LYPD6: variants seen among roughly 807,000 people sequenced by gnomAD.
The protein encoded by LYPD6 is ly6/PLAUR domain-containing protein 6.
A neutral mutation model predicts 22.7 loss-of-function variants in LYPD6; 15 were observed. That is an observed-to-expected ratio of 0.66 (90% CI 0.44 to 1.02). The LOEUF (loss-of-function observed/expected upper bound fraction) is 1.02. LYPD6 is among the 50% of genes least tolerant of loss of function. The probability of loss-of-function intolerance (pLI) is 0.00; values close to 1 mark genes in which losing one functional copy is unlikely to be tolerated. For missense variants in LYPD6, 189 were observed against 208.4 expected (o/e 0.91, Z 0.57); for synonymous variants, 72 against 77.5 (o/e 0.93, Z 0.37).
rs904168188 is a variant in LYPD6, at chr2:149,401,002, G to A, written c.-71-36636G>A. ...TCCCCCAAATGACAACCATGCCTTTGGGCTTCTTATCTGTATTTCAGGCAG... is the reference window on the plus strand; with the variant it reads ...TCCCCCAAATGACAACCATGCCTTTAGGCTTCTTATCTGTATTTCAGGCAG... On this transcript the variant is annotated intron_variant, in intron 1 of 4. Transcript: ENST00000334166. 3.9e-5 allele frequency among the ~76,000 whole-genome samples: 6 copies of A among 152,208 alleles called. No individual in the cohort carries two copies. In the East Asian group the frequency reaches 9.7e-4, roughly 24 times the overall value.
At chr2:149,342,153 G>A (rs1389754609) in intron 1 of LYPD6, among the ~76,000 whole-genome samples, 4 of 152,040 alleles carry the variant, frequency 2.6e-5, no homozygotes, top group African/African-American at 9.7e-5. Context: ...CCATGACCTA[G>A]GACTTTGGAA....
intron 1 of LYPD6, among the ~76,000 whole-genome samples, chr2:149,418,517 T>A (rs930897914): frequency 7.2e-5 from 11 of 152,248 alleles, no homozygotes; most frequent in African/African-American, 2.7e-4. Context: ...TAAGATTTTA[T>A]AGTTAAAGCA....
intron 1 of LYPD6, among the ~76,000 whole-genome samples, chr2:149,397,549 T>C (rs1682454190): frequency 6.6e-6 from 1 of 152,198 alleles, no homozygotes; most frequent in Non-Finnish European, 1.5e-5. Flanking sequence ...AAGGAATTAA[T>C]GATAGCCACA....
At position 149,472,398 on chromosome 2, in the gene LYPD6, T is replaced by C. The variant is rs1196665; in HGVS notation, c.*1548T>C. On this transcript the variant is annotated 3_prime_UTR_variant, in exon 5 of 5. Transcript: ENST00000334166. ...TAAGTTTGTGTGCAGGGTTTTCAGA[T>C]GTGTTTTTGTGAAACTTGGTAGAAC... The C allele has an allele frequency of 0.72, 109,685 of 152,458 alleles. 41,098 individuals are homozygous for C. Among genetic ancestry groups the C allele is most frequent in the East Asian group, 0.86 (4,421 of 5,130 alleles). The allele number at this position is 152,458 out of a possible 1,614,324, so 9.4% of individuals were successfully genotyped here.
chr2:149,405,164 A>G (rs1170108007), intron 1 of LYPD6, among the ~76,000 whole-genome samples: 1 of 152,048 alleles, frequency 6.6e-6, no homozygotes, highest in Non-Finnish European at 1.5e-5. Flanking sequence ...TTTTGCATCA[A>G]TGTTCATCAA....
chr2:149,385,045 T>G (rs192035178), intron 1 of LYPD6, among the ~76,000 whole-genome samples: 1 of 152,156 alleles, frequency 6.6e-6, no homozygotes, highest in Non-Finnish European at 1.5e-5. Context: ...TGTTTATGGA[T>G]GTAGATGGCA....
intron 1 of LYPD6, among the ~76,000 whole-genome samples, chr2:149,368,738 G>T (rs570347009): frequency 1.3e-5 from 2 of 152,176 alleles, no homozygotes; most frequent in Non-Finnish European, 2.9e-5. Flanking sequence ...TGAAGGGAGA[G>T]GGGGTCTAAA....
chr2:149,334,386 C>T lies in LYPD6; in HGVS notation c.-72+3664C>T, dbSNP rs1042411958. Among the ~76,000 whole-genome samples, 4 of 152,258 alleles carry T rather than the reference C, an allele frequency of 2.6e-5. 1 individual carries two copies. The highest frequency in any genetic ancestry group is 4.4e-5 in the Non-Finnish European group (3 of 68,020). ...TGGGAGATAAAAAGAGATAAAACAG[C>T]GTGTAAATGAATTCTTTGCTTCTGT... On this transcript the variant is annotated intron_variant, in intron 1 of 4. Transcript: ENST00000334166.
chr2:149,467,410 T>A lies in LYPD6; in HGVS notation c.218-1235T>A, dbSNP rs113127203. Among the ~76,000 whole-genome samples the A allele has an allele frequency of 5.9e-3, 891 of 152,282 alleles. 6 individuals carry two copies. Among genetic ancestry groups the A allele is most frequent in the African/African-American group, 0.02 (818 of 41,562 alleles). On this transcript the variant is annotated intron_variant, in intron 3 of 4. Coordinates refer to ENST00000334166, the MANE Select transcript of LYPD6 (RefSeq NM_194317.5). The stretch of plus-strand genomic sequence containing the variant: ...GAGACCATTTGGGATTCCTGTCAGG[T>A]GAGGGTCTCTAGGAAGACTGTTAAA...
chr2:149,420,986 A>G (rs112270881), intron 1 of LYPD6, among the ~76,000 whole-genome samples: 3 of 152,144 alleles, frequency 2.0e-5, no homozygotes, highest in Non-Finnish European at 2.9e-5. Flanking sequence ...GTCGCATCCC[A>G]TAGCAGTGAA....
intron 2 of LYPD6, among the ~76,000 whole-genome samples, chr2:149,439,133 A>T (rs1206179356): frequency 6.6e-6 from 1 of 152,138 alleles, no homozygotes; most frequent in African/African-American, 2.4e-5. Context: ...TGTTTTTATT[A>T]TCGTTGGCTT....
At chr2:149,402,973 A>G (rs951934164) in intron 1 of LYPD6, among the ~76,000 whole-genome samples, 1 of 150,666 alleles carries the variant, frequency 6.6e-6, no homozygotes, top group African/African-American at 2.4e-5. Context: ...GAGTGAGAAC[A>G]TGCAGTGTTT....
intron 1 of LYPD6, among the ~76,000 whole-genome samples, chr2:149,356,963 C>T (rs1216678255): frequency 6.6e-6 from 1 of 152,070 alleles, no homozygotes; most frequent in African/African-American, 2.4e-5. Flanking sequence ...AGAAAGTTTT[C>T]CAAACCATTT....
chr2:149,366,512 G>A (rs565613565), intron 1 of LYPD6, among the ~76,000 whole-genome samples: 1 of 152,160 alleles, frequency 6.6e-6, no homozygotes. Flanking sequence ...TGATTTGGGA[G>A]AATGCCAGAT....
chr2:149,393,605 C>T (rs1319203152), intron 1 of LYPD6, among the ~76,000 whole-genome samples: 1 of 152,160 alleles, frequency 6.6e-6, no homozygotes, highest in African/African-American at 2.4e-5. Context: ...GCGTGGTCCT[C>T]CTGGCCCCTT....
At chr2:149,475,955 C>T (rs1414926016), downstream of LYPD6, among the ~76,000 whole-genome samples, 1 of 152,182 alleles carries the variant, frequency 6.6e-6, no homozygotes, top group Non-Finnish European at 1.5e-5. Context: ...ATAATGGCCT[C>T]ATCCTTCTCT....
At chr2:149,408,031 G>A (rs968635594) in intron 1 of LYPD6, among the ~76,000 whole-genome samples, 3 of 152,162 alleles carry the variant, frequency 2.0e-5, no homozygotes, top group African/African-American at 7.2e-5. Flanking sequence ...ATCAGCAGCG[G>A]TGTTTGCAAA....
rs1403368594 is a variant in LYPD6 at position 149,364,090 on chromosome 2, G to C, written c.-72+33368G>C. Among the ~76,000 whole-genome samples the C allele has an allele frequency of 2.0e-5, 3 of 152,132 alleles. No individual in the cohort carries two copies. In the East Asian group the frequency reaches 5.8e-4, roughly 29 times the overall value. On this transcript the variant is annotated intron_variant, in intron 1 of 4. Transcript: ENST00000334166. ...GTACGACTTATAGAAGATTTGCAAT[G>C]ATTTCAGCAGCTTTTCAGAAGGGCT...
At chr2:149,405,634 A>C (rs2105114733) in intron 1 of LYPD6, among the ~76,000 whole-genome samples, 1 of 152,178 alleles carries the variant, frequency 6.6e-6, no homozygotes, top group Middle Eastern at 3.4e-3. Flanking sequence ...TTTCTTCTTT[A>C]TTAGTCTTGC....
Sources: allele counts gnomAD v4.1 joint callset (sites outside exome capture counted in the v4.1 genomes callset), GRCh38; gene constraint gnomAD v4.1.1; transcripts MANE v1.5; gene names NCBI Gene and HGNC (gene_info 2026-07-23, HGNC 2026-07-21).